Variants in PTPRD observed in about 807,000 individuals in gnomAD.
PTPRD encodes the protein receptor-type tyrosine-protein phosphatase delta.
A neutral mutation model predicts 214.5 loss-of-function variants in PTPRD; 34 were observed. The ratio of observed to expected loss-of-function variants is 0.16; its 90% CI spans 0.12 to 0.21. The LOEUF is 0.21. Among genes scored for constraint, PTPRD ranks in the 10% least tolerant of loss-of-function variants. PTPRD has a pLI of 1.00. For synonymous variants in PTPRD, 1,128 were observed against 845.7 expected, an observed-to-expected ratio of 1.33 and a Z score of -5.79; for missense variants, 2,545 against 2,398.7, an observed-to-expected ratio of 1.06 and a Z score of -1.27.
intron 10 of PTPRD, among the ~76,000 whole-genome samples, chr9:9,019,305 AAAG>A (rs2099551439): frequency 5.4e-5 from 5 of 93,338 alleles, no homozygotes; most frequent in Non-Finnish European, 1.1e-4. Flanking sequence ...AGAAAGAAAG[AAAG>A]AAAGAAAGAA....
At chr9:9,064,074 CTAA>C (rs1470200316) in intron 10 of PTPRD, among the ~76,000 whole-genome samples, 1 of 151,944 alleles carries the variant, frequency 6.6e-6, no homozygotes, top group Non-Finnish European at 1.5e-5. Flanking sequence ...TCATATTGTG[CTAA>C]TAATATACCA....
At chr9:10,483,901 T>A (rs1433880745) in intron 2 of PTPRD, among the ~76,000 whole-genome samples, 2 of 152,072 alleles carry the variant, frequency 1.3e-5, no homozygotes, top group African/African-American at 4.8e-5. Context: ...GATCCACCAT[T>A]CAACTGAGCA....
intron 4 of PTPRD, among the ~76,000 whole-genome samples, chr9:10,001,156 C>T (rs2096301139): frequency 6.6e-6 from 1 of 151,970 alleles, no homozygotes; most frequent in African/African-American, 2.4e-5. Flanking sequence ...TCTAAATTGG[C>T]GTGAGACCAA....
chr9:9,053,246 G>A (rs1360994388), intron 10 of PTPRD, among the ~76,000 whole-genome samples: 1 of 152,058 alleles, frequency 6.6e-6, no homozygotes, highest in African/African-American at 2.4e-5. Context: ...TTCACAGAGG[G>A]CTCAGAGTCC....
intron 8 of PTPRD, among the ~76,000 whole-genome samples, chr9:9,413,356 C>T (rs2076096872): frequency 6.6e-6 from 1 of 151,252 alleles, no homozygotes; most frequent in Non-Finnish European, 1.5e-5. Flanking sequence ...CCTCATGATC[C>T]ACCCGCCTCG....
intron 11 of PTPRD, among the ~76,000 whole-genome samples, chr9:8,753,632 C>A (rs559430875): frequency 5.9e-5 from 9 of 152,080 alleles, no homozygotes; most frequent in Non-Finnish European, 1.2e-4. Context: ...ATGAATTTTG[C>A]AAGGCTGCTA....
intron 5 of PTPRD, among the ~76,000 whole-genome samples, chr9:9,817,548 A>G (rs2153562268): frequency 6.6e-6 from 1 of 152,310 alleles, no homozygotes; most frequent in South Asian, 2.1e-4. Flanking sequence ...TGTCAAGTTT[A>G]CTTTTGTCCT....
chr9:10,350,359 C>A lies in PTPRD; in HGVS notation c.-599-9342G>T, dbSNP rs2097161236. 1.3e-5 allele frequency among the ~76,000 whole-genome samples: 2 copies of A among 151,910 alleles called. 1 individual carries two copies. The highest frequency in any genetic ancestry group is 4.1e-4 in the South Asian group (2 of 4,824). Reference sequence around the variant, plus strand: ...AACAATTCTGTTATCTAAATATTACCTTTATTTTACATGATATTTATTTGA... The same window carrying A: ...AACAATTCTGTTATCTAAATATTACATTTATTTTACATGATATTTATTTGA... On this transcript the variant is annotated intron_variant, in intron 2 of 45. Transcript: ENST00000381196.
At chr9:10,560,686 C>A (rs923122189) in intron 2 of PTPRD, among the ~76,000 whole-genome samples, 1 of 152,034 alleles carries the variant, frequency 6.6e-6, no homozygotes, top group Non-Finnish European at 1.5e-5. Context: ...CATCCAATCC[C>A]CAGAATACAG....
At chr9:10,553,891 A>G (rs1008540367) in intron 2 of PTPRD, among the ~76,000 whole-genome samples, 1 of 152,192 alleles carries the variant, frequency 6.6e-6, no homozygotes, top group Non-Finnish European at 1.5e-5. Flanking sequence ...TAAATTACTG[A>G]GTTAAAGTAT....
At chr9:10,320,237 T>C (rs185335493) in intron 3 of PTPRD, among the ~76,000 whole-genome samples, 71 of 152,166 alleles carry the variant, frequency 4.7e-4, no homozygotes, top group African/African-American at 1.1e-3. Context: ...AACCTAGCAA[T>C]TGAGCAGTTC....
At chr9:9,732,508 A>G (rs1224825180) in intron 7 of PTPRD, among the ~76,000 whole-genome samples, 3 of 152,148 alleles carry the variant, frequency 2.0e-5, no homozygotes, top group Non-Finnish European at 4.4e-5. Flanking sequence ...TTAAATGAAA[A>G]ATGATGGAAT....
intron 3 of PTPRD, among the ~76,000 whole-genome samples, chr9:10,152,584 G>A (rs1170153557): frequency 6.6e-6 from 1 of 152,108 alleles, no homozygotes; most frequent in African/African-American, 2.4e-5. Context: ...CCAGCACTTT[G>A]GGAGGCCGAG....
intron 10 of PTPRD, among the ~76,000 whole-genome samples, chr9:9,026,516 G>A (rs1182477840): frequency 2.0e-5 from 3 of 151,952 alleles, no homozygotes; most frequent in Non-Finnish European, 4.4e-5. Flanking sequence ...GACACAGCAA[G>A]GTAGTCATGG....
At chr9:10,027,391 C>A (rs954652574) in intron 4 of PTPRD, among the ~76,000 whole-genome samples, 10 of 152,140 alleles carry the variant, frequency 6.6e-5, no homozygotes, top group African/African-American at 2.4e-4. Context: ...AACAAAGATT[C>A]CCTAGTTCAC....
At chr9:8,613,022 GTGTTTATATT>G (rs1375222432) in intron 14 of PTPRD, among the ~76,000 whole-genome samples, 2 of 152,212 alleles carry the variant, frequency 1.3e-5, no homozygotes, top group African/African-American at 2.4e-5. Flanking sequence ...GTACTTTCAT[GTGTTTATATT>G]CAACATTCTG....
intron 9 of PTPRD, among the ~76,000 whole-genome samples, chr9:9,372,272 A>G (rs965350622): frequency 6.6e-6 from 1 of 151,762 alleles, no homozygotes; most frequent in African/African-American, 2.4e-5. Flanking sequence ...GTCACAAAGG[A>G]CTTGCTTTAT....
At chr9:9,674,244 T>A (rs2096886908) in intron 7 of PTPRD, among the ~76,000 whole-genome samples, 1 of 151,846 alleles carries the variant, frequency 6.6e-6, no homozygotes, top group African/African-American at 2.4e-5. Context: ...TAGGTATTGA[T>A]ACTGTTTACA....
intron 9 of PTPRD, among the ~76,000 whole-genome samples, chr9:9,245,192 C>G (rs936650022): frequency 6.6e-6 from 1 of 152,112 alleles, no homozygotes; most frequent in African/African-American, 2.4e-5. Context: ...GTTGGTGGGA[C>G]TGTAAACTAG....
Sources: gnomAD v4.1 joint callset for allele counts (sites outside exome capture counted in the v4.1 genomes callset) on GRCh38, gnomAD v4.1.1 for gene constraint, MANE v1.5 for transcripts, NCBI Gene and HGNC (gene_info 2026-07-23, HGNC 2026-07-21) for gene names.